The following TASP1 variants were observed in gnomAD, a reference collection of about 807,000 sequenced individuals.
TASP1 encodes threonine aspartase 1.
In TASP1, 16 loss-of-function variants were observed where a neutral mutation model predicts 56.6. That is an observed-to-expected ratio of 0.28 (90% CI 0.19 to 0.43). The LOEUF (loss-of-function observed/expected upper bound fraction) is 0.43. TASP1 is among the 20% of genes least tolerant of loss of function. The probability of loss-of-function intolerance (pLI) is 1.00; values close to 1 mark genes in which losing one functional copy is unlikely to be tolerated. For missense variants in TASP1, 393 were observed against 511.6 expected (o/e 0.77, Z 2.24); for synonymous variants, 179 against 184.2 (o/e 0.97, Z 0.23).
the TASP1 span, among the ~76,000 whole-genome samples, chr20:13,144,364 A>T: frequency 3.3e-5 from 5 of 152,352 alleles, no homozygotes; most frequent in Non-Finnish European, 5.9e-5. Context: ...AATAATAGGT[A>T]CTAAGTAAGT....
At chr20:13,627,329 A>G (rs746650475) in intron 2 of TASP1, among the ~76,000 whole-genome samples, 1 of 152,180 alleles carries the variant, frequency 6.6e-6, no homozygotes, top group Non-Finnish European at 1.5e-5. Context: ...ACTCTTTCTA[A>G]TAATTTAGAA....
At chr20:13,189,562 A>T in the TASP1 span, among the ~76,000 whole-genome samples, 1 of 152,216 alleles carries the variant, frequency 6.6e-6, no homozygotes, top group Non-Finnish European at 1.5e-5. Flanking sequence ...AACGCTCAAC[A>T]TCACTAATCA....
chr20:13,228,493 T>C, the TASP1 span, among the ~76,000 whole-genome samples: 20 of 152,348 alleles, frequency 1.3e-4, no homozygotes, highest in Admixed American at 3.3e-4. Context: ...TAATTTTTGA[T>C]ACCATCTCAT....
At chr20:13,254,867 T>C in the TASP1 span, among the ~76,000 whole-genome samples, 118 of 152,346 alleles carry the variant, frequency 7.7e-4, no homozygotes, top group African/African-American at 2.7e-3. Context: ...TTATTGGGCA[T>C]TGAAATCCTG....
In TASP1 at chr20:13,630,088, TTACCA is replaced by T. The variant is rs747858670; in HGVS notation, c.-15_-11del. The stretch of plus-strand genomic sequence containing the variant: ...CCTTCTCCATGGTCATTCTCCAAGA[TTACCA>T]TCTTCTACTGAGAAAGGGGCATACT... On this transcript the variant is annotated 5_prime_UTR_variant, in exon 2 of 14. An upstream start codon of the reference 5' UTR is lost. Transcript: ENST00000337743. 3.1e-6 allele frequency: 5 copies of T among 1,610,904 alleles called. No homozygotes were observed. In the East Asian group the frequency reaches 1.1e-4, roughly 36 times the overall value.
the TASP1 span, chr20:13,133,098 C>T: frequency 6.6e-6 from 1 of 152,298 alleles, no homozygotes. Context: ...TAGAGATGCT[C>T]TTCTCTTCTG....
At chr20:13,554,489 T>C (rs1333742387) in intron 8 of TASP1, among the ~76,000 whole-genome samples, 1 of 150,596 alleles carries the variant, frequency 6.6e-6, no homozygotes, top group Non-Finnish European at 1.5e-5. Context: ...TGTACTGTGA[T>C]AATGTTTGTA....
chr20:13,244,478 G>A, the TASP1 span: 1 of 151,978 alleles, frequency 6.6e-6, no homozygotes, highest in African/African-American at 2.4e-5. Flanking sequence ...AAATTATTTG[G>A]TAAGGCAGCT....
chr20:13,106,362 A>G, the TASP1 span, among the ~76,000 whole-genome samples: 7 of 152,296 alleles, frequency 4.6e-5, no homozygotes, highest in Non-Finnish European at 8.8e-5. Flanking sequence ...CATGAAAGCA[A>G]AAAACGAACA....
chr20:13,463,354 C>A (rs746096505), intron 11 of TASP1, among the ~76,000 whole-genome samples: 3 of 151,908 alleles, frequency 2.0e-5, no homozygotes, highest in Non-Finnish European at 4.4e-5. Flanking sequence ...ACAACATATG[C>A]AAAAATAAAC....
the TASP1 span, among the ~76,000 whole-genome samples, chr20:13,329,689 T>C: frequency 6.6e-6 from 1 of 152,224 alleles, no homozygotes; most frequent in Non-Finnish European, 1.5e-5. Context: ...CTTGGGGATT[T>C]TCTACATAAA....
downstream of TASP1, among the ~76,000 whole-genome samples, chr20:13,387,183 C>CTTTTTTTTTTTTTTTTTTTT (rs1568732036): frequency 2.1e-5 from 2 of 94,950 alleles, no homozygotes; most frequent in African/African-American, 1.0e-4. Flanking sequence ...GACATGATTT[C>CTTTTTTTTTTTTTTTTTTTT]ATTTTTTTTT....
At chr20:13,128,976 A>C in the TASP1 span, among the ~76,000 whole-genome samples, 1 of 151,080 alleles carries the variant, frequency 6.6e-6, no homozygotes, top group Non-Finnish European at 1.5e-5. Context: ...TCCTGGGTTC[A>C]AGCAATACTC....
chr20:13,624,483 TTC>T (rs1208605937), intron 3 of TASP1, among the ~76,000 whole-genome samples: 1 of 152,140 alleles, frequency 6.6e-6, no homozygotes, highest in African/African-American at 2.4e-5. Context: ...AAGTATAATC[TTC>T]TTTTTAATGT....
the TASP1 span, chr20:13,110,216 A>G: frequency 3.1e-6 from 5 of 1,612,730 alleles, no homozygotes; most frequent in South Asian, 1.1e-5. Context: ...GGGTGTCTAC[A>G]GGTATGTAAA....
Position 13,621,276 on chromosome 20 carries a change from C to A in TASP1, c.282+2170G>T, listed in dbSNP as rs1224123117. 3.3e-5 allele frequency among the ~76,000 whole-genome samples: 5 copies of A among 151,448 alleles called. No individual in the cohort carries two copies. The East Asian group carries it at 9.7e-4, about 29-fold the overall frequency. On this transcript the variant is annotated intron_variant, in intron 4 of 13. Transcript: ENST00000337743. ...CTGTCTCTACTTAAAAAAAAAAATA[C>A]AAAAATTAGCCGGGTGTGGTGGTGC...
At chr20:13,540,612 C>G (rs2045585119) in intron 8 of TASP1, among the ~76,000 whole-genome samples, 1 of 152,178 alleles carries the variant, frequency 6.6e-6, no homozygotes, top group South Asian at 2.1e-4. Context: ...CAGACATATG[C>G]TGAGCAAAAG....
intron 5 of TASP1, among the ~76,000 whole-genome samples, chr20:13,584,031 A>T (rs1476196973): frequency 6.6e-6 from 1 of 152,170 alleles, no homozygotes; most frequent in African/African-American, 2.4e-5. Flanking sequence ...GTGAGCCAAG[A>T]TCGCACCACT....
chr20:13,462,761 A>G (rs1337861936), intron 11 of TASP1, among the ~76,000 whole-genome samples: 7 of 152,182 alleles, frequency 4.6e-5, no homozygotes, highest in East Asian at 1.9e-4. Context: ...AATTAAGGGG[A>G]AAAATCCATT....
Sources: gnomAD v4.1 joint callset for allele counts (sites outside exome capture counted in the v4.1 genomes callset) on GRCh38, gnomAD v4.1.1 for gene constraint, MANE v1.5 for transcripts, NCBI Gene and HGNC (gene_info 2026-07-23, HGNC 2026-07-21) for gene names.